Variants in PRTG observed in about 807,000 individuals in gnomAD.
The protein encoded by PRTG is immunoglobulin superfamily, DCC subclass, member 5.
In PRTG, 67 loss-of-function variants were observed where a neutral mutation model predicts 122.5. The observed-to-expected ratio is 0.55, with a 90% CI of 0.45 to 0.67. The LOEUF is 0.67. PRTG is among the 30% of genes least tolerant of loss of function. The pLI is 0.00. For synonymous variants in PRTG, 554 were observed against 501.1 expected, an observed-to-expected ratio of 1.11 and a Z score of -1.41; for missense variants, 1,435 against 1,415.4, an observed-to-expected ratio of 1.01 and a Z score of -0.22.
At chr15:55,622,825 C>T (rs975325823) in intron 18 of PRTG, among the ~76,000 whole-genome samples, 5 of 152,042 alleles carry the variant, frequency 3.3e-5, no homozygotes, top group African/African-American at 4.8e-5. Flanking sequence ...CGTGAACCAC[C>T]GCACTTGGCC....
At chr15:55,730,908 T>C (rs1362225116) in intron 2 of PRTG, among the ~76,000 whole-genome samples, 2 of 152,218 alleles carry the variant, frequency 1.3e-5, no homozygotes, top group African/African-American at 4.8e-5. Flanking sequence ...ATTCCTTATT[T>C]GCAAAATAAG....
In PRTG at chr15:55,738,002, C is replaced by CTCTCTCTCTATATA. The variant is rs1248440584; in HGVS notation, c.397+2379_397+2380insTATATAGAGAGAGA. Among the ~76,000 whole-genome samples the CTCTCTCTCTATATA allele has an allele frequency of 1.3e-4, 13 of 96,680 alleles. No individual in the cohort carries two copies. In the East Asian group the frequency reaches 1.9e-3, roughly 14 times the overall value. 63.4% of individuals were successfully genotyped at this position (96,680 alleles called of 152,430 possible). ...TCTCTCTCTCTCTCTCTCTCTCTCT[C>CTCTCTCTCTATATA]TATATATATATATATATATATATAC... On this transcript the variant is annotated intron_variant, in intron 2 of 19. Transcript: ENST00000389286.
chr15:55,738,410 T>C (rs1375921842), intron 2 of PRTG: 1 of 687,424 alleles, frequency 1.5e-6, no homozygotes, highest in East Asian at 2.7e-5. Flanking sequence ...ATCAGGCTTC[T>C]CAGGAGGTCC....
At chr15:55,679,616 TCA>T in intron 6 of PRTG, 171 bp from the exon 7 acceptor site, 1 of 544,048 alleles carries the variant, frequency 1.8e-6, no homozygotes, top group Non-Finnish European at 3.2e-6. Flanking sequence ...TCGGCATTGC[TCA>T]GTGTTCACTT....
intron 12 of PRTG, chr15:55,640,050 T>C: frequency 1.5e-6 from 1 of 668,018 alleles, no homozygotes; most frequent in Non-Finnish European, 1.8e-6. Context: ...AGAACAGGCA[T>C]ACATTCTAAG....
chr15:55,705,774 G>T (rs1422805299), intron 2 of PRTG, among the ~76,000 whole-genome samples: 8 of 151,250 alleles, frequency 5.3e-5, no homozygotes, highest in African/African-American at 1.9e-4. Context: ...CAATTTAATT[G>T]TACTGTTGTT....
chr15:55,633,786 T>G (rs1444585775), intron 15 of PRTG, among the ~76,000 whole-genome samples: 1 of 152,242 alleles, frequency 6.6e-6, no homozygotes, highest in Non-Finnish European at 1.5e-5. Flanking sequence ...GATTTATTTG[T>G]TCTCTATGAA....
At chr15:55,663,651 C>T (rs1595629627) in intron 11 of PRTG, among the ~76,000 whole-genome samples, 1 of 151,952 alleles carries the variant, frequency 6.6e-6, no homozygotes, top group Non-Finnish European at 1.5e-5. Flanking sequence ...AAGTGATTCT[C>T]CCGCCTCAGC....
chr15:55,712,230 G>T (rs1309990594), intron 2 of PRTG, among the ~76,000 whole-genome samples: 2 of 152,194 alleles, frequency 1.3e-5, no homozygotes, highest in Non-Finnish European at 2.9e-5. Flanking sequence ...ACTCTAGAGG[G>T]TTAATGAATC....
intron 2 of PRTG, among the ~76,000 whole-genome samples, chr15:55,696,674 G>A (rs183743165): frequency 7.9e-5 from 12 of 152,272 alleles, no homozygotes; most frequent in Admixed American, 5.9e-4. Context: ...TAAAAATAAT[G>A]TAACAAGACA....
intron 11 of PRTG, among the ~76,000 whole-genome samples, chr15:55,646,024 T>C (rs1032192842): frequency 4.1e-4 from 62 of 152,260 alleles, no homozygotes; most frequent in African/African-American, 1.4e-3. Flanking sequence ...TTTTATTTTT[T>C]TGAGACAGAG....
At position 55,621,902 on chromosome 15, in the gene PRTG, T is replaced by C. The variant is rs964904972; in HGVS notation, c.3094-1135A>G. On this transcript the variant is annotated intron_variant, in intron 18 of 19. Transcript: ENST00000389286. ...ATTATTAATTTGTATATTCAGTACA[T>C]TATTCTCTCAACTTTTCTGTATGTT... Among the ~76,000 whole-genome samples, 3 of 152,212 alleles carry C rather than the reference T, an allele frequency of 2.0e-5. No individual in the cohort carries two copies. The South Asian group carries it at 6.2e-4, about 31-fold the overall frequency.
At chr15:55,705,894 C>T (rs2030088542) in intron 2 of PRTG, among the ~76,000 whole-genome samples, 1 of 139,882 alleles carries the variant, frequency 7.1e-6, no homozygotes, top group Admixed American at 7.8e-5. Flanking sequence ...CTCACTCTGT[C>T]ACCAGTGCAG....
In PRTG at chr15:55,679,464, A is replaced by G; in HGVS notation, c.974-19T>C. On this transcript the variant is annotated intron_variant, in intron 6 of 19. Coordinates refer to ENST00000389286, the MANE Select transcript of PRTG (RefSeq NM_173814.6). Reference sequence around the variant, plus strand: ...GGAGGAGCTATTTTTAAAGAAAAAAATGAAATATTTCTGTGATCCTAATAG... The same window carrying G: ...GGAGGAGCTATTTTTAAAGAAAAAAGTGAAATATTTCTGTGATCCTAATAG... The G allele has an allele frequency of 6.3e-7, 1 of 1,592,480 alleles. No individual in the cohort carries two copies. Among genetic ancestry groups the G allele is most frequent in the Non-Finnish European group, 8.6e-7 (1 of 1,164,154 alleles).
At chr15:55,688,608 G>A (rs748004579) in intron 2 of PRTG, among the ~76,000 whole-genome samples, 3 of 152,190 alleles carry the variant, frequency 2.0e-5, no homozygotes, top group Non-Finnish European at 4.4e-5. Context: ...GGCCAAGGCA[G>A]GCAGATCACA....
intron 11 of PRTG, among the ~76,000 whole-genome samples, chr15:55,670,777 T>C (rs2059465015): frequency 6.6e-6 from 1 of 152,066 alleles, no homozygotes; most frequent in Non-Finnish European, 1.5e-5. Context: ...GGTGCATGCC[T>C]GTAATCCCAG....
intron 2 of PRTG, among the ~76,000 whole-genome samples, chr15:55,735,717 C>CGAAAA (rs2031387761): frequency 5.0e-5 from 2 of 39,882 alleles, no homozygotes; most frequent in African/African-American, 2.3e-4. Context: ...CCATGCTTTG[C>CGAAAA]TAAAAAAAAA....
chr15:55,675,656 A>G lies in PRTG; in HGVS notation c.1409T>C (p.Val470Ala). 6.3e-7 allele frequency: 1 copy of G among 1,576,070 alleles called. No individual in the cohort carries two copies. Among genetic ancestry groups the G allele is most frequent in the Middle Eastern group, 1.7e-4 (1 of 5,982 alleles). The change falls in exon 9 of 20, where the codon GTC (valine) becomes GCC (alanine). Residue 470 changes from valine (V) to alanine (A), a missense_variant. Physicochemically the swap from Val to Ala is moderately conservative, Grantham distance 64. Coordinates refer to ENST00000389286, the MANE Select transcript of PRTG (RefSeq NM_173814.6). ...EGLNNEEYQV[V>A]IGNDTTHYII... Reference sequence around the variant, plus strand: ...ATAATGAGTTGTGTCATTTCCGATGACTACTTGATACTCTTCATTATTTAA... The same window carrying G: ...ATAATGAGTTGTGTCATTTCCGATGGCTACTTGATACTCTTCATTATTTAA...
At chr15:55,720,181 C>T (rs1401822904) in intron 2 of PRTG, among the ~76,000 whole-genome samples, 1 of 152,092 alleles carries the variant, frequency 6.6e-6, no homozygotes, top group Non-Finnish European at 1.5e-5. Flanking sequence ...GAGTTTGAGA[C>T]CAGCCAGGCC....
Sources: allele counts gnomAD v4.1 joint callset (sites outside exome capture counted in the v4.1 genomes callset), GRCh38; gene constraint gnomAD v4.1.1; transcripts MANE v1.5; gene names NCBI Gene and HGNC (gene_info 2026-07-23, HGNC 2026-07-21).